Variants in PTPN2 observed in about 807,000 individuals in gnomAD.
PTPN2 encodes the protein tyrosine-protein phosphatase non-receptor type 2.
In PTPN2, 19 loss-of-function variants were observed where a neutral mutation model predicts 57.3. The observed-to-expected ratio is 0.33, with a 90% CI of 0.23 to 0.49. The LOEUF is 0.49. Among genes scored for constraint, PTPN2 ranks in the 20% least tolerant of loss-of-function variants. PTPN2 has a pLI of 0.99. For synonymous variants in PTPN2, 153 were observed against 164.9 expected (o/e 0.93, Z 0.55); for missense variants, 358 against 501.1 (o/e 0.71, Z 2.73).
chr18:12,856,563 G>A (rs1451649406), intron 2 of PTPN2, among the ~76,000 whole-genome samples: 4 of 152,130 alleles, frequency 2.6e-5, no homozygotes, highest in African/African-American at 2.4e-5. Context: ...AGGCATACAG[G>A]AAGAGCCTGG....
At position 12,884,053 on chromosome 18, in the gene PTPN2, CG is replaced by C; in HGVS notation, c.69+19del. ...GGTCTCGGAGGAGGTCGGCGACTGC[CG>C]CGTGGGTCCGCGACTCACCAAGTAC... On this transcript the variant is annotated intron_variant, in intron 1 of 8. Transcript: ENST00000309660. 1 of 1,559,324 alleles carries C rather than the reference CG, an allele frequency of 6.4e-7. No individual in the cohort carries two copies.
intron 8 of PTPN2, among the ~76,000 whole-genome samples, chr18:12,797,682 A>G (rs2145231571): frequency 1.3e-5 from 2 of 152,236 alleles, no homozygotes; most frequent in South Asian, 4.2e-4. Context: ...ATGTCTGTGT[A>G]ATGACTTGCC....
intron 2 of PTPN2, chr18:12,839,702 A>G (rs550836588): frequency 4.6e-5 from 7 of 152,298 alleles, no homozygotes; most frequent in African/African-American, 1.7e-4. Context: ...TTCTACAGGC[A>G]TCATCTGCCT....
At chr18:12,868,852 A>C (rs2044087435) in intron 1 of PTPN2, among the ~76,000 whole-genome samples, 1 of 151,616 alleles carries the variant, frequency 6.6e-6, no homozygotes, top group Admixed American at 6.6e-5. Flanking sequence ...TCATATTCTG[A>C]ATTTTAAAGT....
intron 1 of PTPN2, among the ~76,000 whole-genome samples, chr18:12,877,797 G>C (rs557733939): frequency 6.6e-6 from 1 of 151,390 alleles, no homozygotes; most frequent in South Asian, 2.1e-4. Flanking sequence ...GGATCACAAA[G>C]TCAGGAGATC....
At chr18:12,859,789 C>G (rs2145476950) in intron 1 of PTPN2, among the ~76,000 whole-genome samples, 1 of 152,256 alleles carries the variant, frequency 6.6e-6, no homozygotes, top group African/African-American at 2.4e-5. Context: ...CAGAAATATC[C>G]TCAAATTTTA....
intron 2 of PTPN2, among the ~76,000 whole-genome samples, chr18:12,840,555 C>T (rs2043009916): frequency 6.6e-6 from 1 of 152,176 alleles, no homozygotes; most frequent in South Asian, 2.1e-4. Flanking sequence ...GTGTGACACT[C>T]GTCACTGGGT....
At chr18:12,870,439 GTGTATAT>G (rs2044206091) in intron 1 of PTPN2, among the ~76,000 whole-genome samples, 3 of 30,368 alleles carry the variant, frequency 9.9e-5, no homozygotes, top group Non-Finnish European at 1.4e-4. Context: ...ATATATATAT[GTGTATAT>G]ATATATATAT....
downstream of PTPN2, among the ~76,000 whole-genome samples, chr18:12,790,106 C>T (rs1598719926): frequency 1.3e-5 from 2 of 148,916 alleles, no homozygotes; most frequent in East Asian, 2.0e-4. Context: ...CTAAATTTTT[C>T]TTTTTTTTTT....
intron 4 of PTPN2, among the ~76,000 whole-genome samples, chr18:12,827,056 GT>G (rs1388850138): frequency 3.3e-5 from 5 of 152,118 alleles, no homozygotes; most frequent in African/African-American, 1.2e-4. Flanking sequence ...CAAAATAAAT[GT>G]TGCTGGCCAA....
At chr18:12,872,308 G>A (rs543830046) in intron 1 of PTPN2, 3 of 152,154 alleles carry the variant, frequency 2.0e-5, no homozygotes, top group African/African-American at 2.4e-5. Flanking sequence ...CTATAAAACC[G>A]TTCAAATATA....
Position 12,792,945 on chromosome 18 carries a change from A to C in PTPN2, c.*1333T>G, listed in dbSNP as rs1417903490. 3.0e-6 allele frequency: 3 copies of C among 984,822 alleles called. No individual in the cohort carries two copies. The allele number at this position is 984,822 out of a possible 1,614,324, so 61.0% of individuals were successfully genotyped here. ...TTAAAATACTTAAGCCTTATGCAGAAATCTTATGTGGCATATAAAGAGACA... is the reference window on the plus strand; with the variant it reads ...TTAAAATACTTAAGCCTTATGCAGACATCTTATGTGGCATATAAAGAGACA... On this transcript the variant is annotated 3_prime_UTR_variant, in exon 9 of 9. Transcript: ENST00000309660.
chr18:12,794,578 C>A, intron 8 of PTPN2, 93 bp from the exon 9 acceptor site: 1 of 1,430,156 alleles, frequency 7.0e-7, no homozygotes, highest in Non-Finnish European at 9.4e-7. Context: ...TAAAACCATC[C>A]ACATAGTTTT....
At chr18:12,807,557 A>C (rs2041703855) in intron 7 of PTPN2, among the ~76,000 whole-genome samples, 1 of 116,878 alleles carries the variant, frequency 8.6e-6, no homozygotes, top group Non-Finnish European at 1.8e-5. Context: ...TGGAGGGAGA[A>C]AGAAAATGTG....
intron 2 of PTPN2, among the ~76,000 whole-genome samples, chr18:12,837,917 G>GA (rs2042921813): frequency 6.6e-6 from 1 of 152,110 alleles, no homozygotes; most frequent in Admixed American, 6.6e-5. Context: ...TTGCCAACAG[G>GA]AAAAACTAAG....
At chr18:12,828,435 A>C (rs192812942) in intron 4 of PTPN2, among the ~76,000 whole-genome samples, 44 of 152,346 alleles carry the variant, frequency 2.9e-4, no homozygotes, top group African/African-American at 9.4e-4. Context: ...AAAAATATTA[A>C]AAATTGTAAA....
At chr18:12,824,958 T>G (rs1173058187) in intron 5 of PTPN2, among the ~76,000 whole-genome samples, 1 of 152,150 alleles carries the variant, frequency 6.6e-6, no homozygotes, top group Admixed American at 6.5e-5. Flanking sequence ...TGGTGGCTCA[T>G]GCCTGTAATC....
chr18:12,822,206 A>C (rs1222200967), intron 5 of PTPN2, among the ~76,000 whole-genome samples: 2 of 152,086 alleles, frequency 1.3e-5, no homozygotes, highest in African/African-American at 4.8e-5. Context: ...TAAACTGTTT[A>C]AACTATTTTG....
chr18:12,836,669 A>G (rs1330760362), intron 3 of PTPN2, 122 bp downstream of exon 3: 2 of 631,368 alleles, frequency 3.2e-6, no homozygotes, highest in Admixed American at 3.2e-5. Flanking sequence ...ACATCGTCAG[A>G]AAAAAACTGA....
Sources: gnomAD v4.1 joint callset for allele counts (sites outside exome capture counted in the v4.1 genomes callset) on GRCh38, gnomAD v4.1.1 for gene constraint, MANE v1.5 for transcripts, NCBI Gene and HGNC (gene_info 2026-07-23, HGNC 2026-07-21) for gene names.